TBC1D14: variants seen among roughly 807,000 people sequenced by gnomAD.
TBC1D14 encodes TBC1 domain family, member 14.
TBC1D14 carries 26 observed loss-of-function variants against 79.0 expected under a neutral mutation model. The observed-to-expected ratio is 0.33, with a 90% CI of 0.24 to 0.46. The LOEUF (loss-of-function observed/expected upper bound fraction) is 0.46, where lower values mean the gene tolerates loss of function less well. TBC1D14 is among the 20% of genes least tolerant of loss of function. TBC1D14 has a pLI of 1.00. For missense variants in TBC1D14, 769 were observed against 887.6 expected, an observed-to-expected ratio of 0.87 and a Z score of 1.70; for synonymous variants, 394 against 349.9, an observed-to-expected ratio of 1.13 and a Z score of -1.40.
chr4:6,958,858 G>A (rs113560740), intron 2 of TBC1D14, among the ~76,000 whole-genome samples: 1 of 151,232 alleles, frequency 6.6e-6, no homozygotes, highest in Non-Finnish European at 1.5e-5. Context: ...TCATTGGCCA[G>A]TTTATTGGTC....
intron 2 of TBC1D14, among the ~76,000 whole-genome samples, chr4:6,963,929 C>A (rs1045120136): frequency 1.3e-5 from 2 of 152,030 alleles, no homozygotes; most frequent in Admixed American, 6.5e-5. Flanking sequence ...TCCTGAGTAG[C>A]TGGGATTACA....
Position 7,004,903 on chromosome 4 carries a change from G to C in TBC1D14, c.1330G>C (p.Gly444Arg). 2 of 1,614,150 alleles carry C rather than the reference G, an allele frequency of 1.2e-6. No individual in the cohort carries two copies. Among genetic ancestry groups the C allele is most frequent in the Non-Finnish European group, 1.7e-6 (2 of 1,180,020 alleles). Residue 444 changes from glycine to arginine, a missense_variant, in exon 8 of 14, where the codon GGC becomes CGC. Coordinates refer to ENST00000409757, the MANE Select transcript of TBC1D14 (RefSeq NM_020773.3). ...GAGGTGGCGGTCCCTTAGCACAGGA[G>C]GCTCTGAAGTGGAGAACGAAGGTAG... ...KERWRSLSTG[G>R]SEVENEDAGF...
chr4:6,911,969 G>C (rs1039972350), intron 1 of TBC1D14, among the ~76,000 whole-genome samples: 2 of 152,142 alleles, frequency 1.3e-5, no homozygotes, highest in East Asian at 3.8e-4. Flanking sequence ...TTTTTTTTTA[G>C]AGATGGGGTC....
intron 2 of TBC1D14, among the ~76,000 whole-genome samples, chr4:6,955,204 T>C (rs1418319389): frequency 6.6e-6 from 1 of 152,208 alleles, no homozygotes; most frequent in East Asian, 1.9e-4. Context: ...CAGAGGCCCC[T>C]ATGAATGTGT....
chr4:6,924,307 G>A (rs985781659), intron 2 of TBC1D14, among the ~76,000 whole-genome samples, 196 bp downstream of exon 2: 3 of 21,012 alleles, frequency 1.4e-4, no homozygotes, highest in African/African-American at 3.2e-4. Flanking sequence ...CTGTTCTTCG[G>A]TGTCCCTGGC....
chr4:6,923,983 A>C lies in TBC1D14; in HGVS notation c.594A>C (p.Pro198=), dbSNP rs1415464151. ...TGACCCTGGAGAATGACGATGACCC[A>C]CAGTTTACCAACGTCACCTTGAGCT... ...AIVTLENDDD[P]QFTNVTLSSI... The change falls in exon 2 of 14, where the codon CCA becomes CCC. Residue 198 remains proline, a synonymous_variant. Coordinates refer to ENST00000409757, the MANE Select transcript of TBC1D14 (RefSeq NM_020773.3). The C allele has an allele frequency of 1.2e-6, 2 of 1,614,024 alleles. No individual in the cohort carries two copies. Among genetic ancestry groups the C allele is most frequent in the African/African-American group, 2.7e-5 (2 of 74,938 alleles).
chr4:6,996,897 A>G (rs1471191944), intron 5 of TBC1D14: 1 of 152,382 alleles, frequency 6.6e-6, no homozygotes, highest in South Asian at 2.1e-4. Flanking sequence ...CATCAACGAC[A>G]CGTATATTTC....
At chr4:6,959,823 C>T (rs769820440) in intron 2 of TBC1D14, among the ~76,000 whole-genome samples, 17 of 152,062 alleles carry the variant, frequency 1.1e-4, no homozygotes, top group Non-Finnish European at 1.8e-4. Flanking sequence ...AGGAGTGGCC[C>T]GATCTTGCCA....
intron 2 of TBC1D14, among the ~76,000 whole-genome samples, chr4:6,954,033 GCCCGAGA>G (rs1477606225): frequency 2.0e-5 from 3 of 152,198 alleles, no homozygotes; most frequent in African/African-American, 7.2e-5. Flanking sequence ...CGTGTCCCAG[GCCCGAGA>G]ACCCGTCACT....
chr4:7,019,422 G>C (rs1330759640), intron 12 of TBC1D14, among the ~76,000 whole-genome samples: 1 of 152,168 alleles, frequency 6.6e-6, no homozygotes, highest in African/African-American at 2.4e-5. Context: ...TGTCAGTTCT[G>C]GGGTACAGGT....
At chr4:6,919,707 G>A (rs1280398997) in intron 1 of TBC1D14, among the ~76,000 whole-genome samples, 11 of 151,608 alleles carry the variant, frequency 7.3e-5, no homozygotes, top group Non-Finnish European at 1.3e-4. Context: ...TGCAACCTCC[G>A]CCTCCTGGGT....
chr4:6,987,447 C>A, intron 3 of TBC1D14: 1 of 1,176,560 alleles, frequency 8.5e-7, no homozygotes, highest in East Asian at 3.2e-5. Context: ...TGCGGCCCCG[C>A]GCAGGTGGAG....
At chr4:6,957,439 T>G (rs1219351614) in intron 2 of TBC1D14, among the ~76,000 whole-genome samples, 1 of 152,184 alleles carries the variant, frequency 6.6e-6, no homozygotes, top group African/African-American at 2.4e-5. Flanking sequence ...AGGTGAAAGT[T>G]GCTGGCATGG....
intron 2 of TBC1D14, among the ~76,000 whole-genome samples, chr4:6,932,698 A>T: frequency 6.6e-6 from 1 of 152,200 alleles, no homozygotes; most frequent in East Asian, 1.9e-4. Flanking sequence ...GCCATAGCGC[A>T]GTGTGGCCTT....
At chr4:6,929,687 C>T (rs1318514620) in intron 2 of TBC1D14, among the ~76,000 whole-genome samples, 2 of 152,096 alleles carry the variant, frequency 1.3e-5, no homozygotes, top group African/African-American at 4.8e-5. Flanking sequence ...CATTTAGTCT[C>T]AAGACTCAAA....
At chr4:7,001,703 GGA>G (rs1719694730) in intron 7 of TBC1D14, among the ~76,000 whole-genome samples, 1 of 152,126 alleles carries the variant, frequency 6.6e-6, no homozygotes, top group Non-Finnish European at 1.5e-5. Flanking sequence ...TGGGGCTCTG[GGA>G]GTTTGTCTGC....
intron 3 of TBC1D14, among the ~76,000 whole-genome samples, chr4:6,980,796 A>T (rs1577116330): frequency 6.6e-6 from 1 of 151,528 alleles, no homozygotes; most frequent in African/African-American, 2.4e-5. Context: ...GCTCACTGCA[A>T]CCTCTGCCTA....
In TBC1D14 at chr4:7,025,077, G is replaced by A. The variant is rs1450263576; in HGVS notation, c.1831G>A (p.Gly611Arg). Residue 611 changes from glycine (G) to arginine (R), a missense_variant, in exon 13 of 14, where the codon GGG becomes AGG. Around this residue, in one of 2 missense-constraint regions of TBC1D14, gnomAD observed 367 missense variants for 494.4 expected, o/e 0.74. Transcript: ENST00000409757. ...CRIWDVFCRD[G>R]EEFLFRTALG... ...TATCTGGGACGTGTTCTGTCGCGAT[G>A]GGGAAGAGTTCCTGTTCCGCACGGC... The A allele has an allele frequency of 6.2e-7, 1 of 1,614,192 alleles. No homozygotes were observed. Among genetic ancestry groups the A allele is most frequent in the Non-Finnish European group, 8.5e-7 (1 of 1,180,044 alleles).
intron 2 of TBC1D14, among the ~76,000 whole-genome samples, chr4:6,946,009 C>T (rs1713413722): frequency 6.6e-6 from 1 of 152,138 alleles, no homozygotes; most frequent in Non-Finnish European, 1.5e-5. Flanking sequence ...GCAGAGGGTT[C>T]AGAGCCACCA....
Sources: gnomAD v4.1 joint callset for allele counts (sites outside exome capture counted in the v4.1 genomes callset) on GRCh38, gnomAD v4.1.1 for gene constraint, gnomAD v4.1.1 regional missense constraint, MANE v1.5 for transcripts, NCBI Gene and HGNC (gene_info 2026-07-23, HGNC 2026-07-21) for gene names.